ARHGAP10: variants seen among roughly 807,000 people sequenced by gnomAD.
The protein encoded by ARHGAP10 is Rho GTPase activating protein 10.
ARHGAP10 carries 87 observed loss-of-function variants against 108.6 expected under a neutral mutation model. The observed-to-expected ratio is 0.80, with a 90% CI of 0.67 to 0.96. ARHGAP10 has a LOEUF of 0.96. Ranked by LOEUF, ARHGAP10 falls within the 40% of genes least tolerant of loss-of-function variation. ARHGAP10 has a pLI of 0.00. For synonymous variants in ARHGAP10, 347 were observed against 341.1 expected, an observed-to-expected ratio of 1.02 and a Z score of -0.19; for missense variants, 939 against 954.5, an observed-to-expected ratio of 0.98 and a Z score of 0.21.
chr4:147,874,231 G>T (rs1734966105), intron 7 of ARHGAP10, among the ~76,000 whole-genome samples: 1 of 152,140 alleles, frequency 6.6e-6, no homozygotes, highest in South Asian at 2.1e-4. Flanking sequence ...TTTCACATCA[G>T]CAGTTTTTTG....
At chr4:147,844,717 A>G (rs1733565697) in intron 3 of ARHGAP10, among the ~76,000 whole-genome samples, 3 of 152,112 alleles carry the variant, frequency 2.0e-5, no homozygotes, top group South Asian at 4.2e-4. Context: ...ACCACCTGCA[A>G]ATATCTCTCA....
At chr4:147,922,762 T>C (rs1264246140) in intron 13 of ARHGAP10, among the ~76,000 whole-genome samples, 1 of 152,204 alleles carries the variant, frequency 6.6e-6, no homozygotes, top group Non-Finnish European at 1.5e-5. Flanking sequence ...AGTGAGTCTT[T>C]GCACATAGTA....
At chr4:147,840,004 A>G (rs1733346773) in intron 3 of ARHGAP10, among the ~76,000 whole-genome samples, 2 of 152,200 alleles carry the variant, frequency 1.3e-5, no homozygotes, top group Non-Finnish European at 2.9e-5. Context: ...CAGCATGGAA[A>G]TGTACTTTGT....
At chr4:148,065,530 A>G (rs1729825724) in intron 22 of ARHGAP10, 1 of 152,240 alleles carries the variant, frequency 6.6e-6, no homozygotes, top group African/African-American at 2.4e-5. Context: ...TGTTCTTGGA[A>G]TAGAAGCAAG....
intron 19 of ARHGAP10, among the ~76,000 whole-genome samples, chr4:148,030,789 ATGCTCATTCTACCTTCCTTTGTGCCC>A (rs1400482419): frequency 6.6e-6 from 1 of 152,112 alleles, no homozygotes; most frequent in African/African-American, 2.4e-5. Flanking sequence ...TTCCCTCTGC[ATGCTCATTCTACCTTCCTTTGTGCCC>A]TCCTAGGCTG....
chr4:147,741,776 A>ACACACACACACACG (rs1560733758), intron 1 of ARHGAP10, among the ~76,000 whole-genome samples: 2 of 36,328 alleles, frequency 5.5e-5, no homozygotes, highest in African/African-American at 1.5e-4. Context: ...TTACACACAC[A>ACACACACACACACG]CACACACACA....
intron 1 of ARHGAP10, among the ~76,000 whole-genome samples, chr4:147,744,703 G>A (rs1438393829): frequency 6.6e-6 from 1 of 152,116 alleles, no homozygotes; most frequent in East Asian, 1.9e-4. Context: ...GTTCACTGAG[G>A]TCCTGCCACA....
intron 18 of ARHGAP10, among the ~76,000 whole-genome samples, chr4:147,975,534 A>C (rs1739560195): frequency 6.6e-6 from 1 of 152,246 alleles, no homozygotes; most frequent in African/African-American, 2.4e-5. Context: ...TGCATCTGCC[A>C]AGGGCCTTCT....
At chr4:148,043,085 A>T in intron 19 of ARHGAP10, among the ~76,000 whole-genome samples, 1 of 152,172 alleles carries the variant, frequency 6.6e-6, no homozygotes, top group African/African-American at 2.4e-5. Context: ...GGGCACCTAA[A>T]ACCAGGTTAT....
intron 10 of ARHGAP10, among the ~76,000 whole-genome samples, chr4:147,895,334 T>G (rs1368750538): frequency 6.6e-6 from 1 of 152,024 alleles, no homozygotes; most frequent in Non-Finnish European, 1.5e-5. Flanking sequence ...TCTGGCAGTT[T>G]CTTTAGGATT....
In ARHGAP10 at chr4:147,955,334, CAT is replaced by C. The variant is rs1560843712; in HGVS notation, c.1411_1412del (p.Met471AspfsTer3). ...QYLRSLPEPL[M>X]TYELHGDFIV... ...CACACAGGAGTCTTCCAGAGCCTCT[CAT>C]GACCTATGAGTTACATGGAGATTTC... On this transcript the variant is annotated frameshift_variant, in exon 16 of 23. Transcript: ENST00000336498. LOFTEE classifies it high-confidence loss of function. 6 of 1,611,708 alleles carry C rather than the reference CAT, an allele frequency of 3.7e-6. No homozygotes were observed. Among genetic ancestry groups the C allele is most frequent in the Non-Finnish European group, 5.1e-6 (6 of 1,178,250 alleles).
intron 22 of ARHGAP10, among the ~76,000 whole-genome samples, chr4:148,065,979 C>A (rs868328048): frequency 0.012 from 1,218 of 98,152 alleles, 3 homozygotes; most frequent in South Asian, 0.013. Flanking sequence ...GACCCCATCT[C>A]AAAAAAAAAA....
chr4:147,935,355 A>C (rs1022759072), intron 13 of ARHGAP10, among the ~76,000 whole-genome samples: 4 of 152,188 alleles, frequency 2.6e-5, no homozygotes, highest in Admixed American at 2.6e-4. Flanking sequence ...GATAGAAGAC[A>C]GTGTTCAGAA....
At chr4:148,004,638 G>T (rs1873175) in intron 18 of ARHGAP10, among the ~76,000 whole-genome samples, 113,759 of 152,198 alleles carry the variant, frequency 0.75, 42,888 homozygotes, top group East Asian at 0.86. Context: ...TGAGGCAGCC[G>T]CCAGCCCATA....
At position 147,998,452 on chromosome 4, in the gene ARHGAP10, G is replaced by A. The variant is rs1297639252; in HGVS notation, c.1717-24811G>A. Among the ~76,000 whole-genome samples, 4 of 152,170 alleles carry A rather than the reference G, an allele frequency of 2.6e-5. No homozygotes were observed. In the East Asian group the frequency reaches 7.7e-4, roughly 29 times the overall value. On this transcript the variant is annotated intron_variant, in intron 18 of 22. Coordinates refer to ENST00000336498, the MANE Select transcript of ARHGAP10 (RefSeq NM_024605.4). The stretch of plus-strand genomic sequence containing the variant: ...GTTAAATCTTTGGATATTGAAACTG[G>A]TCTACACCATAGTGAAGGAAAACTG...
At chr4:148,009,130 T>C (rs887913160) in intron 18 of ARHGAP10, among the ~76,000 whole-genome samples, 8 of 151,858 alleles carry the variant, frequency 5.3e-5, no homozygotes, top group Non-Finnish European at 7.4e-5. Context: ...ATACTTCTCT[T>C]TTTTCTCTTT....
At chr4:147,808,268 A>G (rs1731866773) in intron 1 of ARHGAP10, among the ~76,000 whole-genome samples, 1 of 151,828 alleles carries the variant, frequency 6.6e-6, no homozygotes, top group African/African-American at 2.4e-5. Flanking sequence ...AGAGAAGTGC[A>G]TTCTAGGAGG....
chr4:147,965,874 A>G (rs968133223), intron 17 of ARHGAP10, among the ~76,000 whole-genome samples: 2 of 152,264 alleles, frequency 1.3e-5, no homozygotes, highest in Non-Finnish European at 2.9e-5. Flanking sequence ...AAATAAAAAT[A>G]TAAAACAGCT....
At chr4:148,053,643 C>T (rs1307196488) in intron 20 of ARHGAP10, among the ~76,000 whole-genome samples, 1 of 152,162 alleles carries the variant, frequency 6.6e-6, no homozygotes, top group Non-Finnish European at 1.5e-5. Flanking sequence ...GTATACTTGG[C>T]CATCTACCAT....
Sources: gnomAD v4.1 joint callset for allele counts (sites outside exome capture counted in the v4.1 genomes callset) on GRCh38, gnomAD v4.1.1 for gene constraint, MANE v1.5 for transcripts, NCBI Gene and HGNC (gene_info 2026-07-23, HGNC 2026-07-21) for gene names.